The following ZNF48 variants were observed in gnomAD, a reference collection of about 807,000 sequenced individuals.
ZNF48 encodes the protein zinc finger protein 553.
ZNF48 carries 20 observed loss-of-function variants against 40.0 expected under a neutral mutation model. That is an observed-to-expected ratio of 0.50 (90% CI 0.35 to 0.73). The LOEUF is 0.73. Ranked by LOEUF, ZNF48 falls within the 30% of genes least tolerant of loss-of-function variation. The probability of loss-of-function intolerance (pLI) is 0.01; values close to 1 mark genes in which losing one functional copy is unlikely to be tolerated. For missense variants in ZNF48, 726 were observed against 851.9 expected, an observed-to-expected ratio of 0.85 and a Z score of 1.84; for synonymous variants, 298 against 329.7, an observed-to-expected ratio of 0.90 and a Z score of 1.04.
intron 1 of ZNF48, among the ~76,000 whole-genome samples, chr16:30,389,404 A>AT (rs1360335173): frequency 2.9e-4 from 41 of 141,946 alleles, no homozygotes; most frequent in East Asian, 8.3e-4. Context: ...AAAAAAAAAA[A>AT]AATAATAATA....
upstream of ZNF48, chr16:30,394,452 T>G (rs544053743): frequency 6.6e-6 from 1 of 152,394 alleles, no homozygotes; most frequent in South Asian, 2.1e-4. Flanking sequence ...CCTGGGAACC[T>G]GGAAACACAG....
chr16:30,399,144 G>A lies in ZNF48; in HGVS notation c.*37G>A. On this transcript the variant is annotated 3_prime_UTR_variant, in exon 3 of 3. Coordinates refer to ENST00000613509, the MANE Select transcript of ZNF48 (RefSeq NM_001214909.2). ...GAGGGCGGAGGCCCAGGAGACCAAA[G>A]GGAGGGGCTCTGCCGCTTAGCAGAG... The A allele has an allele frequency of 1.3e-6, 2 of 1,517,720 alleles. No homozygotes were observed. The highest frequency in any genetic ancestry group is 1.8e-6 in the Non-Finnish European group (2 of 1,134,274). The allele number at this position is 1,517,720 out of a possible 1,614,324, so 94.0% of individuals were successfully genotyped here.
At chr16:30,378,528 G>A in intron 1 of ZNF48, 1 of 1,598,770 alleles carries the variant, frequency 6.3e-7, no homozygotes, top group South Asian at 1.1e-5. Flanking sequence ...CAGCTGTGCA[G>A]GGCGAGATTG....
intron 1 of ZNF48, among the ~76,000 whole-genome samples, chr16:30,386,387 T>G (rs1414895855): frequency 6.6e-6 from 1 of 151,292 alleles, no homozygotes; most frequent in Non-Finnish European, 1.5e-5. Flanking sequence ...AACATTTAAA[T>G]GTGGGCCGGG....
At chr16:30,386,229 T>C (rs889757492) in intron 1 of ZNF48, among the ~76,000 whole-genome samples, 2 of 151,978 alleles carry the variant, frequency 1.3e-5, no homozygotes, top group Middle Eastern at 3.4e-3. Context: ...CAATGAGTCA[T>C]TGTGGTGTCA....
At chr16:30,393,735 A>G (rs558861075), upstream of ZNF48, among the ~76,000 whole-genome samples, 30 of 150,378 alleles carry the variant, frequency 2.0e-4, no homozygotes, top group Admixed American at 6.0e-4. Context: ...TTTTTTTTTT[A>G]GATGGGGTCT....
rs71149012 is a variant in ZNF48 at position 30,385,176 on chromosome 16, A to AAATAAT, written c.-16+6807_-16+6812dup. ...GGCAACAAGAGCAAAACTCTTTCTC[A>AAATAAT]AATAATAATAATAATAATAATAATA... On this transcript the variant is annotated intron_variant, in intron 1 of 2. Transcript: ENST00000528032. Among the ~76,000 whole-genome samples the AAATAAT allele has an allele frequency of 1.7e-3, 246 of 140,894 alleles. 1 individual carries two copies. Among genetic ancestry groups the AAATAAT allele is most frequent in the African/African-American group, 5.1e-3 (191 of 37,724 alleles). The allele number at this position is 140,894 out of a possible 152,430, so 92.4% of individuals were successfully genotyped here.
rs775721468 is a variant in ZNF48 at position 30,378,420 on chromosome 16, G to A, written c.-16+10G>A. ...TGAAGGCGGAGCCGAGGTAAGGCCG[G>A]GCGGGGCGTGGCCTCAGAGGGCGTC... On this transcript the variant is annotated intron_variant, in intron 1 of 2. Transcript: ENST00000528032. 1.7e-5 allele frequency: 26 copies of A among 1,558,068 alleles called. No homozygotes were observed. The East Asian group carries it at 5.9e-4, about 36-fold the overall frequency.
At chr16:30,389,418 C>A (rs1187891206) in intron 1 of ZNF48, among the ~76,000 whole-genome samples, 4 of 147,924 alleles carry the variant, frequency 2.7e-5, no homozygotes, top group Non-Finnish European at 6.0e-5. Flanking sequence ...AATAATAATA[C>A]AAAAATTAGC....
At chr16:30,391,543 C>G (rs563167810), upstream of ZNF48, among the ~76,000 whole-genome samples, 32 of 150,248 alleles carry the variant, frequency 2.1e-4, no homozygotes, top group Non-Finnish European at 1.2e-4. Flanking sequence ...TTGCCCAGAA[C>G]GGAATGCAGT....
At chr16:30,379,723 C>G (rs2049816165) in intron 1 of ZNF48, 1 of 570,156 alleles carries the variant, frequency 1.8e-6, no homozygotes, top group South Asian at 2.1e-5. Context: ...TCTCCTGCCT[C>G]AGCCTCCCGA....
In ZNF48 at chr16:30,395,716, G is replaced by C. The variant is rs1256444463; in HGVS notation, c.-15-64G>C. On this transcript the variant is annotated intron_variant, in intron 1 of 2. Transcript: ENST00000613509. The surrounding 1 kb of genome is among the most constrained non-coding windows in gnomAD (Gnocchi z 5.9). ...CCCGCGCTGGCCGGCAGAGGGCAGC[G>C]GCAGGGCGCCGCGGGCCACACATGG... 7.9e-7 allele frequency: 1 copy of C among 1,270,070 alleles called. No homozygotes were observed. The highest frequency in any genetic ancestry group is 3.2e-5 in the East Asian group (1 of 31,644). The allele number at this position is 1,270,070 out of a possible 1,614,324, so 78.7% of individuals were successfully genotyped here.
Position 30,386,348 on chromosome 16 carries a change from G to A in ZNF48, c.-16+7938G>A, listed in dbSNP as rs372279845. 1.8e-4 allele frequency among the ~76,000 whole-genome samples: 28 copies of A among 152,042 alleles called. No homozygotes were observed. In the East Asian group the frequency reaches 4.7e-3, roughly 25 times the overall value. Reference sequence around the variant, plus strand: ...TGTACAACCAACACATGTTTTCATAGAAAAATTATAAAATGCAATTGAAAT... The same window carrying A: ...TGTACAACCAACACATGTTTTCATAAAAAAATTATAAAATGCAATTGAAAT... On this transcript the variant is annotated intron_variant, in intron 1 of 2. Coordinates refer to the ZNF48 transcript ENST00000528032.
intron 1 of ZNF48, chr16:30,379,265 G>A: frequency 1.3e-6 from 2 of 1,553,886 alleles, no homozygotes; most frequent in Non-Finnish European, 1.8e-6. Context: ...CTACAGGAAA[G>A]TCCTGCTGCC....
upstream of ZNF48, among the ~76,000 whole-genome samples, chr16:30,393,967 C>T (rs1171279656): frequency 6.6e-6 from 1 of 152,082 alleles, no homozygotes; most frequent in East Asian, 1.9e-4. Flanking sequence ...ATCCTCCCAC[C>T]TTGGCCTCCC....
At position 30,398,518 on chromosome 16, in the gene ZNF48, C is replaced by T. The variant is rs1357845489; in HGVS notation, c.1268C>T (p.Pro423Leu). The change falls in exon 3 of 3, where the codon CCT becomes CTT. Residue 423 changes from proline (P) to leucine (L), a missense_variant. Pro to Leu is a moderately conservative substitution (Grantham distance 98). Around this residue, in one of 5 missense-constraint regions of ZNF48, gnomAD observed 378 missense variants for 449.1 expected, o/e 0.84. Transcript: ENST00000613509. The surrounding 1 kb of genome is among the most constrained non-coding windows in gnomAD (Gnocchi z 6.6). The stretch of plus-strand genomic sequence containing the variant: ...CGAAGTCCCTCACACTCGGGTGAGC[C>T]TTTTGGCCTGCCTGGCTTGGAGCCA... ...TPRSPSHSGEPFGLPGLEPEP... is the reference protein window; with the variant it reads ...TPRSPSHSGELFGLPGLEPEP... 4.4e-6 allele frequency: 7 copies of T among 1,601,988 alleles called. No individual in the cohort carries two copies. The highest frequency in any genetic ancestry group is 6.0e-6 in the Non-Finnish European group (7 of 1,174,066).
At chr16:30,385,206 T>C (rs965426429) in intron 1 of ZNF48, among the ~76,000 whole-genome samples, 1 of 141,872 alleles carries the variant, frequency 7.0e-6, no homozygotes, top group African/African-American at 2.6e-5. Context: ...ATAATAATAA[T>C]AATAATAATA....
rs778087030 is a variant in ZNF48 at position 30,382,597 on chromosome 16, G to A, written c.-16+4187G>A. On this transcript the variant is annotated intron_variant, in intron 1 of 2. Coordinates refer to the ZNF48 transcript ENST00000528032. This position sits in a 1 kb window ranked among gnomAD's most constrained non-coding sequence, Gnocchi z 4.8. ...TCTGGTGGGGCAGGAAGCTGAGTGC[G>A]GCTAACAAGGGGGCGGGCAGAAGAG... 3.0e-5 allele frequency: 46 copies of A among 1,558,404 alleles called. 1 individual carries two copies. The highest frequency in any genetic ancestry group is 3.3e-4 in the Middle Eastern group (2 of 6,020).
upstream of ZNF48, among the ~76,000 whole-genome samples, chr16:30,392,183 C>T (rs200945042): frequency 6.6e-6 from 1 of 152,144 alleles, no homozygotes; most frequent in East Asian, 1.9e-4. Flanking sequence ...CCACCACGCC[C>T]ATCTAATTTT....
Sources: allele counts gnomAD v4.1 joint callset (sites outside exome capture counted in the v4.1 genomes callset), GRCh38; gene constraint gnomAD v4.1.1; regional missense constraint gnomAD v4.1.1; non-coding constraint Gnocchi (gnomAD v3.1); transcripts MANE v1.5; gene names NCBI Gene and HGNC (gene_info 2026-07-23, HGNC 2026-07-21).